Variants in CTNNA3 observed in about 807,000 individuals in gnomAD.
The protein encoded by CTNNA3 is catenin alpha-3.
In CTNNA3, 76 loss-of-function variants were observed where a neutral mutation model predicts 95.7. The ratio of observed to expected loss-of-function variants is 0.79; its 90% CI spans 0.66 to 0.96. CTNNA3 has a LOEUF of 0.96. Among genes scored for constraint, CTNNA3 ranks in the 40% least tolerant of loss-of-function variants. The pLI is 0.00. For missense variants in CTNNA3, 1,191 were observed against 1,089.8 expected (o/e 1.09, Z -1.31); for synonymous variants, 431 against 374.4 (o/e 1.15, Z -1.74).
chr10:66,913,055 C>T (rs1391801855), intron 7 of CTNNA3, among the ~76,000 whole-genome samples: 2 of 151,438 alleles, frequency 1.3e-5, no homozygotes, highest in African/African-American at 4.9e-5. Context: ...TTGGTTAACA[C>T]GGTGAAACCC....
chr10:66,298,011 T>C (rs2091806656), intron 12 of CTNNA3, among the ~76,000 whole-genome samples: 1 of 152,234 alleles, frequency 6.6e-6, no homozygotes. Flanking sequence ...CTAGACTCCA[T>C]AATTTGTAAT....
intron 5 of CTNNA3, among the ~76,000 whole-genome samples, chr10:67,258,020 AATCTGC>A (rs1348264173): frequency 2.0e-5 from 3 of 152,218 alleles, no homozygotes; most frequent in Non-Finnish European, 4.4e-5. Flanking sequence ...TGTGTCAGAC[AATCTGC>A]CAGTCACCTG....
chr10:67,560,465 C>A (rs775988776), intron 3 of CTNNA3, among the ~76,000 whole-genome samples: 2 of 152,076 alleles, frequency 1.3e-5, no homozygotes, highest in Admixed American at 6.5e-5. Context: ...ACAGGCCTGC[C>A]CTAAAACAGC....
chr10:66,243,948 G>A (rs1475315612), intron 13 of CTNNA3, among the ~76,000 whole-genome samples: 1 of 152,056 alleles, frequency 6.6e-6, no homozygotes, highest in African/African-American at 2.4e-5. Flanking sequence ...GTGTGCTCTC[G>A]AGGTCCCCAA....
At chr10:67,611,345 A>G (rs958551579) in intron 2 of CTNNA3, among the ~76,000 whole-genome samples, 2 of 150,550 alleles carry the variant, frequency 1.3e-5, no homozygotes, top group Admixed American at 1.3e-4. Flanking sequence ...ACGGAGTCTC[A>G]CTCTGTCGCC....
chr10:67,727,117 GAT>G (rs1841237809), intron 1 of CTNNA3, among the ~76,000 whole-genome samples: 1 of 104,102 alleles, frequency 9.6e-6, no homozygotes, highest in Non-Finnish European at 1.8e-5. Flanking sequence ...ATACATATAT[GAT>G]ATAATTATAT....
At chr10:67,702,423 T>G (rs1045080418) in intron 1 of CTNNA3, among the ~76,000 whole-genome samples, 14 of 152,178 alleles carry the variant, frequency 9.2e-5, no homozygotes, top group Non-Finnish European at 1.5e-4. Context: ...TATAACAAAC[T>G]GTCTCTCAGA....
At chr10:66,774,852 G>A (rs1324365700) in intron 8 of CTNNA3, among the ~76,000 whole-genome samples, 5 of 152,056 alleles carry the variant, frequency 3.3e-5, no homozygotes, top group Non-Finnish European at 5.9e-5. Context: ...CTTATAAATT[G>A]TTTAATGAAA....
At chr10:66,069,774 C>A (rs1302998571) in intron 14 of CTNNA3, among the ~76,000 whole-genome samples, 1 of 152,048 alleles carries the variant, frequency 6.6e-6, no homozygotes, top group Non-Finnish European at 1.5e-5. Flanking sequence ...TGGGACTTTG[C>A]AAATTTCTAA....
At chr10:66,980,741 A>G (rs1850379596) in intron 7 of CTNNA3, among the ~76,000 whole-genome samples, 1 of 152,174 alleles carries the variant, frequency 6.6e-6, no homozygotes, top group African/African-American at 2.4e-5. Context: ...GGAATCGTCA[A>G]TCTCACAAGG....
intron 7 of CTNNA3, among the ~76,000 whole-genome samples, chr10:67,172,201 G>A (rs78388268): frequency 0.076 from 11,505 of 152,146 alleles, 630 homozygotes; most frequent in African/African-American, 0.15. Flanking sequence ...CCACCCCAGG[G>A]GAGTTAACCA....
chr10:66,978,014 C>T (rs1317955676), intron 7 of CTNNA3, among the ~76,000 whole-genome samples: 20 of 151,596 alleles, frequency 1.3e-4, no homozygotes. Flanking sequence ...GAAATCCATA[C>T]TTTAGTATAA....
chr10:66,368,359 C>CTGCT (rs2132454410), intron 12 of CTNNA3, among the ~76,000 whole-genome samples: 2 of 152,066 alleles, frequency 1.3e-5, no homozygotes, highest in African/African-American at 4.8e-5. Flanking sequence ...GAGGCTTTTG[C>CTGCT]TGCTCTCTTT....
At chr10:67,757,668 G>A (rs1267857126) in intron 1 of CTNNA3, among the ~76,000 whole-genome samples, 1 of 151,522 alleles carries the variant, frequency 6.6e-6, no homozygotes, top group African/African-American at 2.4e-5. Context: ...GGTTTGCCAG[G>A]GGCTCTCAGG....
chr10:67,500,981 T>C (rs1839210955), intron 5 of CTNNA3, among the ~76,000 whole-genome samples: 1 of 152,246 alleles, frequency 6.6e-6, no homozygotes, highest in East Asian at 1.9e-4. Flanking sequence ...GTTAATATTG[T>C]TATGTGTCAA....
At chr10:66,871,039 G>A (rs544290131) in intron 7 of CTNNA3, among the ~76,000 whole-genome samples, 1 of 152,220 alleles carries the variant, frequency 6.6e-6, no homozygotes, top group East Asian at 1.9e-4. Context: ...TAGAAAAAGG[G>A]CTTTGTTGCT....
chr10:67,056,073 T>C (rs1855409758), intron 7 of CTNNA3, among the ~76,000 whole-genome samples: 1 of 152,080 alleles, frequency 6.6e-6, no homozygotes, highest in African/African-American at 2.4e-5. Flanking sequence ...TGTAAAGTAT[T>C]GGAAAGAACA....
chr10:67,148,841 A>G (rs1186816583), intron 7 of CTNNA3, among the ~76,000 whole-genome samples: 7 of 152,244 alleles, frequency 4.6e-5, no homozygotes. Context: ...GACTTCTATC[A>G]TAGCTGTAAG....
chr10:66,300,020 G>A (rs1218583685), intron 12 of CTNNA3, among the ~76,000 whole-genome samples: 1 of 151,818 alleles, frequency 6.6e-6, no homozygotes, highest in East Asian at 1.9e-4. Context: ...AGCCTCCCGA[G>A]TAGCTGGGAC....
Sources: allele counts gnomAD v4.1 joint callset (sites outside exome capture counted in the v4.1 genomes callset), GRCh38; gene constraint gnomAD v4.1.1; transcripts MANE v1.5; gene names NCBI Gene and HGNC (gene_info 2026-07-23, HGNC 2026-07-21).